Variants in DLG4 observed in about 807,000 individuals in gnomAD.
The protein encoded by DLG4 is disks large homolog 4.
A neutral mutation model predicts 93.8 loss-of-function variants in DLG4; 7 were observed. The ratio of observed to expected loss-of-function variants is 0.07; its 90% CI spans 0.04 to 0.14. The LOEUF (loss-of-function observed/expected upper bound fraction) is 0.14, where lower values mean the gene tolerates loss of function less well. DLG4 is among the 10% of genes least tolerant of loss of function. The pLI is 1.00. For synonymous variants in DLG4, 341 were observed against 387.6 expected, an observed-to-expected ratio of 0.88 and a Z score of 1.41; for missense variants, 545 against 992.9, an observed-to-expected ratio of 0.55 and a Z score of 6.06.
At position 7,217,578 on chromosome 17, in the gene DLG4, G is replaced by T; in HGVS notation, c.-431C>A. On this transcript the variant is annotated 5_prime_UTR_variant, in exon 1 of 20. Transcript: ENST00000399506. The stretch of plus-strand genomic sequence containing the variant: ...GAGTGGGGTGGGGGGGTTGGAAACG[G>T]CAGCGGCCGAGGGAGCCGTGGAGCC... 1 of 1,357,746 alleles carries T rather than the reference G, an allele frequency of 7.4e-7. No homozygotes were observed. Among genetic ancestry groups the T allele is most frequent in the Non-Finnish European group, 9.5e-7 (1 of 1,047,830 alleles). The allele number at this position is 1,357,746 out of a possible 1,614,324, so 84.1% of individuals were successfully genotyped here.
upstream of DLG4, chr17:7,219,780 G>A (rs559165545): frequency 5.6e-5 from 83 of 1,495,036 alleles, no homozygotes; most frequent in East Asian, 1.7e-3. Context: ...GGAGACGAGG[G>A]ACGCTTGGAG....
intron 1 of DLG4, among the ~76,000 whole-genome samples, chr17:7,216,156 AG>A (rs1193565494): frequency 6.6e-6 from 1 of 151,812 alleles, no homozygotes; most frequent in Non-Finnish European, 1.5e-5. Flanking sequence ...ATAAGCCCTC[AG>A]GGACCCTTAA....
In DLG4 at chr17:7,190,555, C is replaced by G. The variant is rs2069435765; in HGVS notation, c.*153G>C. ...TGCGGGGATACATGCAGAGGAGTGTCCCCCCTCCAACAGGCTGGATCCAGT... is the reference window on the plus strand; with the variant it reads ...TGCGGGGATACATGCAGAGGAGTGTGCCCCCTCCAACAGGCTGGATCCAGT... On this transcript the variant is annotated 3_prime_UTR_variant, in exon 20 of 20. Coordinates refer to ENST00000399506, the MANE Select transcript of DLG4 (RefSeq NM_001321075.3). The G allele has an allele frequency of 3.1e-6, 2 of 649,524 alleles. No homozygotes were observed. 40.2% of individuals were successfully genotyped at this position (649,524 alleles called of 1,614,324 possible).
chr17:7,192,365 A>C (rs1216271170), intron 17 of DLG4: 2 of 246,278 alleles, frequency 8.1e-6, no homozygotes, highest in Non-Finnish European at 1.6e-5. Flanking sequence ...GAAAGCCAAG[A>C]AAAAGGAGAA....
At position 7,195,497 on chromosome 17, in the gene DLG4, C is replaced by G. The variant is rs1157893751; in HGVS notation, c.1301+723G>C. On this transcript the variant is annotated intron_variant, in intron 11 of 19. Coordinates refer to ENST00000399506, the MANE Select transcript of DLG4 (RefSeq NM_001321075.3). The surrounding 1 kb of genome is among the most constrained non-coding windows in gnomAD (Gnocchi z 4.3). ...AGCAAGATGGAACCCAGGCCCACAG[C>G]AGGATGATGAGCTCAGCGTGGGACA... Among the ~76,000 whole-genome samples the G allele has an allele frequency of 2.6e-5, 4 of 152,184 alleles. No homozygotes were observed. The highest frequency in any genetic ancestry group is 1.5e-5 in the Non-Finnish European group (1 of 68,032).
At chr17:7,207,530 T>G (rs2070522722) in intron 2 of DLG4, among the ~76,000 whole-genome samples, 5 of 144,918 alleles carry the variant, frequency 3.5e-5, no homozygotes, top group African/African-American at 5.2e-5. Context: ...GAGGCGGAGG[T>G]AGGGGGAGGA....
At chr17:7,218,818 C>A, upstream of DLG4, 1 of 1,613,794 alleles carries the variant, frequency 6.2e-7, no homozygotes, top group South Asian at 1.1e-5. Flanking sequence ...CCACAAGGAG[C>A]CCTGTTTTTC....
intron 1 of DLG4, among the ~76,000 whole-genome samples, chr17:7,216,899 T>C (rs561999209): frequency 6.6e-6 from 1 of 151,728 alleles, no homozygotes; most frequent in South Asian, 2.1e-4. Flanking sequence ...TCCTAAATTT[T>C]CCATATCCCT....
chr17:7,206,433 T>C (rs1008582712), intron 2 of DLG4, among the ~76,000 whole-genome samples: 6 of 151,888 alleles, frequency 4.0e-5, no homozygotes, highest in Non-Finnish European at 7.4e-5. Flanking sequence ...CACCCCATGC[T>C]TATGGCCTCC....
Position 7,193,619 on chromosome 17 carries a change from G to T in DLG4, c.1592-35C>A, listed in dbSNP as rs1183050068. On this transcript the variant is annotated intron_variant, in intron 15 of 19. Coordinates refer to ENST00000399506, the MANE Select transcript of DLG4 (RefSeq NM_001321075.3). This position sits in a 1 kb window ranked among gnomAD's most constrained non-coding sequence, Gnocchi z 6.7. ...GAGCCTGGCTTAGGCCGAGCGCAGGGTTGGGGGAGCAGCAAGTGCTGGGGC... is the reference window on the plus strand; with the variant it reads ...GAGCCTGGCTTAGGCCGAGCGCAGGTTTGGGGGAGCAGCAAGTGCTGGGGC... 2 of 1,530,066 alleles carry T rather than the reference G, an allele frequency of 1.3e-6. No homozygotes were observed. Among genetic ancestry groups the T allele is most frequent in the East Asian group, 2.3e-5 (1 of 44,308 alleles). The allele number at this position is 1,530,066 out of a possible 1,614,324, so 94.8% of individuals were successfully genotyped here. A position where few individuals can be genotyped will look rare whatever the true frequency, so the allele number is the denominator to read the frequency against.
chr17:7,217,713 C>T, upstream of DLG4: 5 of 1,534,396 alleles, frequency 3.3e-6, no homozygotes, highest in Non-Finnish European at 4.4e-6. Flanking sequence ...TCTGTGCTGG[C>T]AGGAACCCGG....
intron 8 of DLG4, among the ~76,000 whole-genome samples, chr17:7,201,414 T>C (rs973991686): frequency 6.6e-6 from 1 of 152,140 alleles, no homozygotes; most frequent in African/African-American, 2.4e-5. Flanking sequence ...GGAGTACCAT[T>C]GTCATCTGAT....
At chr17:7,192,066 CCGG>C in intron 17 of DLG4, 64 bp from the exon 18 acceptor site, 1 of 932,952 alleles carries the variant, frequency 1.1e-6, no homozygotes, top group Non-Finnish European at 1.5e-6. Context: ...GAGAGCAGTG[CCGG>C]AGGGACACGG....
chr17:7,210,766 C>T (rs2070674296), intron 1 of DLG4, among the ~76,000 whole-genome samples: 1 of 152,134 alleles, frequency 6.6e-6, no homozygotes, highest in Non-Finnish European at 1.5e-5. Flanking sequence ...AGTGCCTCTC[C>T]ATCTTCACTC....
At position 7,191,538 on chromosome 17, in the gene DLG4, C is replaced by T; in HGVS notation, c.1977-180G>A. On this transcript the variant is annotated intron_variant, in intron 18 of 19. Transcript: ENST00000399506. This position sits in a 1 kb window ranked among gnomAD's most constrained non-coding sequence, Gnocchi z 6.6. Reference sequence around the variant, plus strand: ...CCACCCCCCACCCCCCTGCCACCCGCAACCGCCCCAGCCAGGTGTGGCTAC... The same window carrying T: ...CCACCCCCCACCCCCCTGCCACCCGTAACCGCCCCAGCCAGGTGTGGCTAC... 1.6e-6 allele frequency: 1 copy of T among 627,702 alleles called. No individual in the cohort carries two copies. Among genetic ancestry groups the T allele is most frequent in the African/African-American group, 1.8e-5 (1 of 54,500 alleles). 38.9% of individuals were successfully genotyped at this position (627,702 alleles called of 1,614,324 possible).
Position 7,197,009 on chromosome 17 carries a change from G to A in DLG4, c.831C>T (p.Tyr277=). Reference sequence around the variant, plus strand: ...TGGCTGTGGGGTAGTCGGTGCCCAGGTAGCTGCTGTGACTGATCTCATTGT... The same window carrying A: ...TGGCTGTGGGGTAGTCGGTGCCCAGATAGCTGCTGTGACTGATCTCATTGT... The part of the protein sequence containing the change: ...HLDNEISHSS[Y]LGTDYPTAMT... Residue 277 remains tyrosine (Y), a synonymous_variant, in exon 9 of 20, where the codon TAC becomes TAT. Coordinates refer to ENST00000399506, the MANE Select transcript of DLG4 (RefSeq NM_001321075.3). 1 of 1,613,538 alleles carries A rather than the reference G, an allele frequency of 6.2e-7. No individual in the cohort carries two copies. The highest frequency in any genetic ancestry group is 8.5e-7 in the Non-Finnish European group (1 of 1,179,740).
intron 17 of DLG4, 127 bp downstream of exon 17, chr17:7,192,815 AGGT>A: frequency 1.0e-6 from 1 of 989,156 alleles, no homozygotes; most frequent in South Asian, 1.7e-5. Flanking sequence ...GAGGAGAAGG[AGGT>A]GGAGGAGCGG....
At chr17:7,214,204 C>T (rs1332092406) in intron 1 of DLG4, among the ~76,000 whole-genome samples, 2 of 152,146 alleles carry the variant, frequency 1.3e-5, no homozygotes, top group Admixed American at 1.3e-4. Flanking sequence ...TCCCAACCCC[C>T]GGATTCTCCT....
intron 8 of DLG4, among the ~76,000 whole-genome samples, chr17:7,200,371 T>C: frequency 6.6e-6 from 1 of 152,198 alleles, no homozygotes; most frequent in East Asian, 1.9e-4. Context: ...TGTCTTTCAG[T>C]AAAGTTTTGT....
Sources: gnomAD v4.1 joint callset for allele counts (sites outside exome capture counted in the v4.1 genomes callset) on GRCh38, gnomAD v4.1.1 for gene constraint, Gnocchi (gnomAD v3.1) non-coding constraint, MANE v1.5 for transcripts, NCBI Gene and HGNC (gene_info 2026-07-23, HGNC 2026-07-21) for gene names.